Variants in UNC5D observed in about 807,000 individuals in gnomAD.
UNC5D encodes the protein unc-5 netrin receptor D.
In UNC5D, 39 loss-of-function variants were observed where a neutral mutation model predicts 105.4. The observed-to-expected ratio is 0.37, with a 90% CI of 0.29 to 0.48. UNC5D has a LOEUF of 0.48. Among genes scored for constraint, UNC5D ranks in the 20% least tolerant of loss-of-function variants. The probability of loss-of-function intolerance (pLI) is 0.98; values close to 1 mark genes in which losing one functional copy is unlikely to be tolerated. For missense variants in UNC5D, 991 were observed against 1,202.4 expected, an observed-to-expected ratio of 0.82 and a Z score of 2.60; for synonymous variants, 452 against 450.4, an observed-to-expected ratio of 1.00 and a Z score of -0.04.
chr8:35,684,429 G>A (rs1046576880), intron 5 of UNC5D, among the ~76,000 whole-genome samples, 153 bp from the exon 6 acceptor site: 11 of 152,096 alleles, frequency 7.2e-5, no homozygotes, highest in African/African-American at 2.4e-4. Flanking sequence ...CTCCCCCACT[G>A]TTGTCTCATA....
chr8:35,549,187 A>G, intron 1 of UNC5D, 105 bp from the exon 2 acceptor site: 1 of 1,063,452 alleles, frequency 9.4e-7, no homozygotes, highest in Admixed American at 2.4e-5. Context: ...TAAAGCGAAT[A>G]TTTCTCCAGC....
chr8:35,744,560 G>A (rs1378818259), intron 11 of UNC5D, among the ~76,000 whole-genome samples: 3 of 152,012 alleles, frequency 2.0e-5, no homozygotes, highest in Non-Finnish European at 4.4e-5. Flanking sequence ...TTATTTTGTG[G>A]ATTCTTATAG....
In UNC5D at chr8:35,663,409, A is replaced by G. The variant is rs77946061; in HGVS notation, c.571-20138A>G. Among the ~76,000 whole-genome samples, 736 of 152,362 alleles carry G rather than the reference A, an allele frequency of 4.8e-3. 34 individuals carry two copies. In the East Asian group the frequency reaches 0.079, roughly 16 times the overall value. The stretch of plus-strand genomic sequence containing the variant: ...CTGGTCTTAAACACTGAACAGAGTG[A>G]CACCATTGATTGCAATAGCAACTGT... On this transcript the variant is annotated intron_variant, in intron 4 of 16. Transcript: ENST00000404895.
chr8:35,747,235 CT>C (rs1830054593), intron 11 of UNC5D, among the ~76,000 whole-genome samples: 1 of 152,112 alleles, frequency 6.6e-6, no homozygotes, highest in South Asian at 2.1e-4. Flanking sequence ...TATGGCTTGG[CT>C]TTATTGCAGC....
At chr8:35,731,215 A>G in intron 11 of UNC5D, 119 bp downstream of exon 11, 1 of 887,466 alleles carries the variant, frequency 1.1e-6, no homozygotes, top group Non-Finnish European at 1.8e-6. Flanking sequence ...CCTGGCCAAC[A>G]TGGCGAAAGC....
intron 3 of UNC5D, among the ~76,000 whole-genome samples, chr8:35,591,852 G>A (rs1819196464): frequency 6.6e-6 from 1 of 152,096 alleles, no homozygotes; most frequent in African/African-American, 2.4e-5. Flanking sequence ...CACTAGTAGA[G>A]GACATTTCTT....
intron 1 of UNC5D, among the ~76,000 whole-genome samples, chr8:35,522,703 G>A (rs1257611221): frequency 6.6e-6 from 1 of 152,144 alleles, no homozygotes; most frequent in African/African-American, 2.4e-5. Flanking sequence ...AAGTATCTAA[G>A]AAGATACTCA....
intron 4 of UNC5D, among the ~76,000 whole-genome samples, chr8:35,659,652 A>G (rs1230529999): frequency 6.6e-6 from 1 of 152,248 alleles, no homozygotes; most frequent in Non-Finnish European, 1.5e-5. Flanking sequence ...ATGTGGAGGT[A>G]TGAACTCATG....
chr8:35,671,086 C>T (rs1047686609), intron 4 of UNC5D, among the ~76,000 whole-genome samples: 2 of 152,192 alleles, frequency 1.3e-5, no homozygotes, highest in African/African-American at 4.8e-5. Context: ...TTCTCCTCCC[C>T]TTTTCCTTGC....
intron 1 of UNC5D, among the ~76,000 whole-genome samples, chr8:35,413,117 T>G (rs1046778050): frequency 3.3e-5 from 5 of 152,076 alleles, no homozygotes; most frequent in Non-Finnish European, 5.9e-5. Flanking sequence ...CAGTAACTGG[T>G]TTGTTTACTT....
At chr8:35,788,689 A>AACACACACACACACACACAC (rs112188484) in intron 16 of UNC5D, among the ~76,000 whole-genome samples, 1 of 151,184 alleles carries the variant, frequency 6.6e-6, no homozygotes, top group African/African-American at 2.4e-5. Context: ...GAAGGCAGAA[A>AACACACACACACACACACAC]ACACACACAC....
chr8:35,753,574 T>A, intron 13 of UNC5D, among the ~76,000 whole-genome samples: 1 of 152,210 alleles, frequency 6.6e-6, no homozygotes, highest in East Asian at 1.9e-4. Flanking sequence ...CTTAAATTAG[T>A]AAAACTCTTT....
chr8:35,327,369 T>C (rs888786040), intron 1 of UNC5D, among the ~76,000 whole-genome samples: 3 of 152,196 alleles, frequency 2.0e-5, no homozygotes, highest in African/African-American at 4.8e-5. Context: ...CCACATTGCA[T>C]GTTTGTTGAC....
chr8:35,314,397 CCAT>C (rs1357661806), intron 1 of UNC5D, among the ~76,000 whole-genome samples: 1 of 152,076 alleles, frequency 6.6e-6, no homozygotes, highest in African/African-American at 2.4e-5. Flanking sequence ...TTGCCTACTT[CCAT>C]TCAATTTTTG....
At chr8:35,319,414 T>A (rs189155402) in intron 1 of UNC5D, among the ~76,000 whole-genome samples, 1 of 152,296 alleles carries the variant, frequency 6.6e-6, no homozygotes, top group East Asian at 1.9e-4. Flanking sequence ...TGCAGAAGGC[T>A]GTCTGAATCC....
chr8:35,544,260 T>C (rs1815481582), intron 1 of UNC5D: 8 of 1,058,344 alleles, frequency 7.6e-6, no homozygotes, highest in Non-Finnish European at 1.0e-5. Context: ...CAAGGCTCTT[T>C]CCTGAACAGC....
At chr8:35,366,415 G>A (rs980776058) in intron 1 of UNC5D, among the ~76,000 whole-genome samples, 4 of 151,864 alleles carry the variant, frequency 2.6e-5, no homozygotes, top group South Asian at 2.1e-4. Flanking sequence ...AATTACACTC[G>A]GTCTTCAGGT....
Position 35,559,196 on chromosome 8 carries a change from A to G in UNC5D, c.323-8902A>G, listed in dbSNP as rs145073047. On this transcript the variant is annotated intron_variant, in intron 2 of 16. Transcript: ENST00000404895. ...AGGTACAAAGAAAGTGAAACATTGA[A>G]CTGAAAAGGTCCCGGAAAACAGGCA... Among the ~76,000 whole-genome samples, 123 of 152,304 alleles carry G rather than the reference A, an allele frequency of 8.1e-4. 1 individual carries two copies. Among genetic ancestry groups the G allele is most frequent in the African/African-American group, 2.9e-3 (122 of 41,578 alleles).
At chr8:35,253,769 G>A (rs1803886330) in intron 1 of UNC5D, among the ~76,000 whole-genome samples, 1 of 152,074 alleles carries the variant, frequency 6.6e-6, no homozygotes, top group Admixed American at 6.6e-5. Flanking sequence ...GATTATAGGT[G>A]TGAGCCACCA....
Sources: gnomAD v4.1 joint callset for allele counts (sites outside exome capture counted in the v4.1 genomes callset) on GRCh38, gnomAD v4.1.1 for gene constraint, MANE v1.5 for transcripts, NCBI Gene and HGNC (gene_info 2026-07-23, HGNC 2026-07-21) for gene names.